Variants in KSR1 observed in about 807,000 individuals in gnomAD.
KSR1 encodes kinase suppressor of ras 1.
A neutral mutation model predicts 92.9 loss-of-function variants in KSR1; 35 were observed. The observed-to-expected ratio is 0.38, with a 90% CI of 0.29 to 0.50. The LOEUF (loss-of-function observed/expected upper bound fraction) is 0.50, where lower values mean the gene tolerates loss of function less well. Among genes scored for constraint, KSR1 ranks in the 20% least tolerant of loss-of-function variants. The pLI is 0.94. For synonymous variants in KSR1, 467 were observed against 472.6 expected, an observed-to-expected ratio of 0.99 and a Z score of 0.15; for missense variants, 972 against 1,158.5, an observed-to-expected ratio of 0.84 and a Z score of 2.34.
At chr17:27,489,822 G>A (rs1031115411) in intron 1 of KSR1, among the ~76,000 whole-genome samples, 8 of 152,220 alleles carry the variant, frequency 5.3e-5, no homozygotes, top group Non-Finnish European at 1.0e-4. Context: ...GAAGATGGGG[G>A]CCCAGGGGTT....
chr17:27,582,180 C>G (rs926732983), intron 3 of KSR1, among the ~76,000 whole-genome samples: 26 of 152,176 alleles, frequency 1.7e-4, no homozygotes, highest in African/African-American at 5.1e-4. Flanking sequence ...GCTGTGCTTC[C>G]TCCTCTGTAA....
intron 1 of KSR1, among the ~76,000 whole-genome samples, chr17:27,465,929 C>G (rs2019673843): frequency 6.6e-6 from 1 of 152,212 alleles, no homozygotes; most frequent in Middle Eastern, 3.4e-3. Flanking sequence ...CTACCCCACT[C>G]CCACCAAGGC....
chr17:27,612,320 T>G (rs2073943768), intron 18 of KSR1, among the ~76,000 whole-genome samples: 1 of 152,236 alleles, frequency 6.6e-6, no homozygotes, highest in African/African-American at 2.4e-5. Context: ...TTGACATATT[T>G]AGTAGTTTTC....
chr17:27,492,635 C>T (rs894792715), intron 1 of KSR1, among the ~76,000 whole-genome samples: 5 of 152,176 alleles, frequency 3.3e-5, no homozygotes, highest in African/African-American at 4.8e-5. Flanking sequence ...TATGCCCCTA[C>T]TTGCTGTTTG....
intron 1 of KSR1, among the ~76,000 whole-genome samples, chr17:27,527,487 C>T (rs2070359071): frequency 8.2e-6 from 1 of 122,560 alleles, no homozygotes; most frequent in African/African-American, 3.6e-5. Flanking sequence ...ACTGCAACCT[C>T]CGCCTCCTGG....
chr17:27,567,113 T>TA (rs2072106310), intron 2 of KSR1, among the ~76,000 whole-genome samples: 1 of 152,180 alleles, frequency 6.6e-6, no homozygotes, highest in Middle Eastern at 3.2e-3. Context: ...CTAGGCTACT[T>TA]ACACGGTGGT....
intron 1 of KSR1, among the ~76,000 whole-genome samples, chr17:27,475,341 T>C (rs1016148970): frequency 3.3e-5 from 5 of 152,208 alleles, no homozygotes; most frequent in African/African-American, 1.2e-4. Flanking sequence ...GGGCTCTGCC[T>C]CCATCCTGTA....
chr17:27,539,097 C>T (rs1477295862), intron 1 of KSR1, among the ~76,000 whole-genome samples: 1 of 152,164 alleles, frequency 6.6e-6, no homozygotes, highest in Non-Finnish European at 1.5e-5. Context: ...CTACTTTTGC[C>T]ATTAGGTGCA....
chr17:27,483,492 C>A (rs997374241), intron 1 of KSR1, among the ~76,000 whole-genome samples: 1 of 148,514 alleles, frequency 6.7e-6, no homozygotes, highest in African/African-American at 2.5e-5. Context: ...GAGGCTGAGG[C>A]AGGAGAATCG....
At chr17:27,482,955 AT>A (rs1278298399) in intron 1 of KSR1, among the ~76,000 whole-genome samples, 1 of 152,212 alleles carries the variant, frequency 6.6e-6, no homozygotes, top group African/African-American at 2.4e-5. Flanking sequence ...CCACAAAAAA[AT>A]ATTTTGGCTG....
chr17:27,522,901 GT>G (rs770294662), intron 1 of KSR1, among the ~76,000 whole-genome samples: 6 of 152,194 alleles, frequency 3.9e-5, no homozygotes, highest in Non-Finnish European at 7.3e-5. Context: ...GGATTCCTGT[GT>G]TTCTGCTGTA....
intron 10 of KSR1, 63 bp downstream of exon 10, chr17:27,597,499 C>T: frequency 6.7e-7 from 1 of 1,503,102 alleles, no homozygotes; most frequent in South Asian, 1.3e-5. Context: ...TCTCAGCAGA[C>T]CCAAGTTCGG....
intron 2 of KSR1, among the ~76,000 whole-genome samples, chr17:27,568,747 T>C (rs2072186435): frequency 6.6e-6 from 1 of 152,146 alleles, no homozygotes; most frequent in Non-Finnish European, 1.5e-5. Context: ...CCGGCAACAG[T>C]CCCAGCTGAG....
chr17:27,510,170 G>A (rs933279513), intron 1 of KSR1, among the ~76,000 whole-genome samples: 1 of 152,168 alleles, frequency 6.6e-6, no homozygotes, highest in Non-Finnish European at 1.5e-5. Context: ...TTTTTCCATG[G>A]ACTTCTGATC....
At chr17:27,538,553 C>T (rs1221808914) in intron 1 of KSR1, among the ~76,000 whole-genome samples, 1 of 152,160 alleles carries the variant, frequency 6.6e-6, no homozygotes, top group African/African-American at 2.4e-5. Context: ...TGTGCAGGGA[C>T]CCCATTCCGG....
intron 1 of KSR1, among the ~76,000 whole-genome samples, chr17:27,475,956 C>T (rs1219514466): frequency 6.6e-6 from 1 of 152,152 alleles, no homozygotes; most frequent in East Asian, 1.9e-4. Flanking sequence ...GATATGTATG[C>T]ATATGGGGAA....
intron 1 of KSR1, among the ~76,000 whole-genome samples, chr17:27,540,168 T>G (rs1163083503): frequency 6.6e-6 from 1 of 152,232 alleles, no homozygotes; most frequent in Admixed American, 6.5e-5. Flanking sequence ...CTAAGGTGGG[T>G]GCTTAGTTGC....
At chr17:27,482,467 G>A (rs1157542107) in intron 1 of KSR1, among the ~76,000 whole-genome samples, 1 of 152,166 alleles carries the variant, frequency 6.6e-6, no homozygotes, top group African/African-American at 2.4e-5. Flanking sequence ...AAAGTTACAT[G>A]AGTCTCGGCA....
intron 6 of KSR1, 65 bp from the exon 7 acceptor site, chr17:27,590,746 C>A: frequency 6.8e-7 from 1 of 1,480,980 alleles, no homozygotes; most frequent in Admixed American, 1.9e-5. Flanking sequence ...CCATGGGAAA[C>A]CTTCTGTGGC....
Sources: allele counts gnomAD v4.1 joint callset (sites outside exome capture counted in the v4.1 genomes callset), GRCh38; gene constraint gnomAD v4.1.1; transcripts MANE v1.5; gene names NCBI Gene and HGNC (gene_info 2026-07-23, HGNC 2026-07-21).